ARHGAP6: variants seen among roughly 807,000 people sequenced by gnomAD.
ARHGAP6 encodes rho GTPase-activating protein 6.
Under a neutral mutation model 55.7 loss-of-function variants are expected in ARHGAP6, and 16 were observed. That is an observed-to-expected ratio of 0.29 (90% confidence interval 0.19 to 0.44). The LOEUF (loss-of-function observed/expected upper bound fraction) is 0.44, where lower values mean the gene tolerates loss of function less well. Among genes scored for constraint, ARHGAP6 ranks in the 20% least tolerant of loss-of-function variants. The pLI, the probability that ARHGAP6 is intolerant of heterozygous loss-of-function variation, is 1.00. For missense variants in ARHGAP6, 698 were observed against 808.9 expected (o/e 0.86, Z 1.66); for synonymous variants, 382 against 360.9 (o/e 1.06, Z -0.66).
intron 1 of ARHGAP6, among the ~76,000 whole-genome samples, chrX:11,415,527 C>T (rs1473168000): frequency 8.9e-6 from 1 of 112,159 alleles, no homozygotes; most frequent in Non-Finnish European, 1.9e-5. Context: ...ACTGATTAAA[C>T]ACTGAGGTAA....
intron 1 of ARHGAP6, among the ~76,000 whole-genome samples, chrX:11,315,907 A>T (rs961894610): frequency 9.0e-6 from 1 of 111,623 alleles, no homozygotes; most frequent in Admixed American, 9.5e-5. Context: ...TCCAACTAGG[A>T]CATTTTTTTC....
chrX:11,595,347 T>C (rs2051889627), intron 1 of ARHGAP6, among the ~76,000 whole-genome samples: 2 of 106,239 alleles, frequency 1.9e-5, no homozygotes, highest in African/African-American at 3.4e-5. Flanking sequence ...GTTTAATAAA[T>C]GGTATTGGGA....
chrX:11,603,506 GTGTA>G (rs113109908), intron 1 of ARHGAP6, among the ~76,000 whole-genome samples: 7 of 111,677 alleles, frequency 6.3e-5, no homozygotes, highest in African/African-American at 2.3e-4. Flanking sequence ...GATCTCATTT[GTGTA>G]TATGCATGTG....
intron 1 of ARHGAP6, among the ~76,000 whole-genome samples, chrX:11,509,630 A>G (rs2050766044): frequency 8.9e-6 from 1 of 112,339 alleles, no homozygotes; most frequent in Non-Finnish European, 1.9e-5. Context: ...TTCAGGGTAC[A>G]TATTTTTAAA....
At chrX:11,647,798 T>G (rs1414942361) in intron 1 of ARHGAP6, among the ~76,000 whole-genome samples, 1 of 112,286 alleles carries the variant, frequency 8.9e-6, no homozygotes, top group African/African-American at 3.2e-5. Context: ...TTCTTCCAAG[T>G]ATCCCATTCT....
intron 2 of ARHGAP6, among the ~76,000 whole-genome samples, chrX:11,241,531 C>CGT (rs55815640): frequency 0.055 from 5,039 of 91,583 alleles, 118 homozygotes; most frequent in East Asian, 0.1. Context: ...ATGCTGGATA[C>CGT]GTGTGTGTGT....
intron 1 of ARHGAP6, among the ~76,000 whole-genome samples, chrX:11,656,673 C>T (rs1200018368): frequency 9.0e-6 from 1 of 111,550 alleles, no homozygotes; most frequent in East Asian, 2.8e-4. Flanking sequence ...TCTCTGCCTA[C>T]TTTCATCCTC....
At chrX:11,391,849 G>A (rs1356531759) in intron 1 of ARHGAP6, among the ~76,000 whole-genome samples, 1 of 111,706 alleles carries the variant, frequency 9.0e-6, no homozygotes, top group East Asian at 2.8e-4. Context: ...TGGGTCTGGG[G>A]TGTGCCTGAG....
At chrX:11,642,255 G>C (rs771110044) in intron 1 of ARHGAP6, among the ~76,000 whole-genome samples, 2 of 111,596 alleles carry the variant, frequency 1.8e-5, no homozygotes, top group African/African-American at 3.2e-5. Flanking sequence ...TCACTTAAAC[G>C]TATCTACAGC....
At chrX:11,522,860 AG>A (rs1291066062) in intron 1 of ARHGAP6, among the ~76,000 whole-genome samples, 2 of 112,071 alleles carry the variant, frequency 1.8e-5, no homozygotes, top group Admixed American at 9.5e-5. Flanking sequence ...ATAGAAAAAC[AG>A]GGAATCCTCC....
intron 1 of ARHGAP6, among the ~76,000 whole-genome samples, chrX:11,514,161 C>CA (rs1156613318): frequency 0.66 from 23,670 of 35,679 alleles, 9,075 homozygotes; most frequent in Middle Eastern, 0.76. Context: ...AACCCTGTCT[C>CA]AAAAAAAAAA....
At chrX:11,275,159 C>T (rs1437904280) in intron 1 of ARHGAP6, among the ~76,000 whole-genome samples, 2 of 111,673 alleles carry the variant, frequency 1.8e-5, no homozygotes, top group Admixed American at 9.5e-5. Flanking sequence ...ATTTAACTAT[C>T]TCTACATCTA....
chrX:11,423,243 C>T (rs1371826023), intron 1 of ARHGAP6, among the ~76,000 whole-genome samples: 2 of 112,935 alleles, frequency 1.8e-5, no homozygotes, highest in Non-Finnish European at 3.7e-5. Context: ...TGCAACGGCG[C>T]CCAGTTCTGG....
chrX:11,530,629 A>AATGT (rs1219352009), intron 1 of ARHGAP6, among the ~76,000 whole-genome samples: 2 of 112,292 alleles, frequency 1.8e-5, no homozygotes, highest in African/African-American at 6.5e-5. Context: ...TATTTTAGAT[A>AATGT]ATGTACTCTG....
intron 1 of ARHGAP6, among the ~76,000 whole-genome samples, chrX:11,579,950 A>G (rs1318590953): frequency 9.0e-6 from 1 of 111,654 alleles, no homozygotes; most frequent in South Asian, 3.7e-4. Context: ...GTGCATCCCT[A>G]GAGAAATCAT....
At chrX:11,614,126 T>G (rs2052135445) in intron 1 of ARHGAP6, among the ~76,000 whole-genome samples, 1 of 110,559 alleles carries the variant, frequency 9.0e-6, no homozygotes, top group South Asian at 3.9e-4. Flanking sequence ...CCACCCCAAC[T>G]CTATCCTCAA....
chrX:11,571,869 C>T (rs1317836645), intron 1 of ARHGAP6, among the ~76,000 whole-genome samples: 1 of 109,353 alleles, frequency 9.1e-6, no homozygotes, highest in Non-Finnish European at 1.9e-5. Flanking sequence ...GCCTGGGAGA[C>T]AGAGACCCTG....
rs138547048 is a variant in ARHGAP6, at chrX:11,177,941, C to T, written c.1629+159G>A. ...CCATGCACTTTTAGGAACTGTGCCT[C>T]CAGAGAAGGCCCTGCATTAGTCTCT... On this transcript the variant is annotated intron_variant, in intron 8 of 12. Transcript: ENST00000337414. Among the ~76,000 whole-genome samples, 610 of 111,361 alleles carry T rather than the reference C, an allele frequency of 5.5e-3. 4 individuals are homozygous for T. The highest frequency in any genetic ancestry group is 0.018 in the African/African-American group (541 of 30,597).
chrX:11,531,229 C>A (rs1374927326), intron 1 of ARHGAP6, among the ~76,000 whole-genome samples: 1 of 111,387 alleles, frequency 9.0e-6, no homozygotes, highest in Non-Finnish European at 1.9e-5. Flanking sequence ...TTGCTAAGAT[C>A]TAGGAAAAAG....
Sources: gnomAD v4.1 joint callset for allele counts (sites outside exome capture counted in the v4.1 genomes callset) on GRCh38, gnomAD v4.1.1 for gene constraint, MANE v1.5 for transcripts, NCBI Gene and HGNC (gene_info 2026-07-23, HGNC 2026-07-21) for gene names.